The following PPM1H variants were observed in gnomAD, a reference collection of about 807,000 sequenced individuals.
PPM1H encodes the protein protein phosphatase 1H.
PPM1H carries 27 observed loss-of-function variants against 54.9 expected under a neutral mutation model. The observed-to-expected ratio is 0.49, with a 90% confidence interval of 0.36 to 0.68. PPM1H has a LOEUF of 0.68. PPM1H is among the 30% of genes least tolerant of loss of function. The pLI, the probability that PPM1H is intolerant of heterozygous loss-of-function variation, is 0.00. For missense variants in PPM1H, 596 were observed against 667.8 expected (o/e 0.89, Z 1.19); for synonymous variants, 305 against 270.8 (o/e 1.13, Z -1.24).
intron 1 of PPM1H, among the ~76,000 whole-genome samples, chr12:62,842,404 AT>A (rs1340029228): frequency 6.6e-6 from 1 of 152,240 alleles, no homozygotes; most frequent in Non-Finnish European, 1.5e-5. Flanking sequence ...TCAGTTTCAA[AT>A]GTGTAATTTA....
At chr12:62,803,321 G>A (rs567869733) in intron 2 of PPM1H, among the ~76,000 whole-genome samples, 5 of 152,260 alleles carry the variant, frequency 3.3e-5, no homozygotes, top group South Asian at 4.1e-4. Context: ...AATTACACAC[G>A]TGTTAGATCT....
At chr12:62,765,868 GA>G (rs2076539517) in intron 4 of PPM1H, among the ~76,000 whole-genome samples, 2 of 152,202 alleles carry the variant, frequency 1.3e-5, no homozygotes, top group Admixed American at 1.3e-4. Context: ...AGGGAGATAT[GA>G]GTACCTGGTC....
intron 6 of PPM1H, among the ~76,000 whole-genome samples, chr12:62,701,191 A>G (rs1449484552): frequency 6.6e-6 from 1 of 152,244 alleles, no homozygotes; most frequent in African/African-American, 2.4e-5. Context: ...TTTGCAAAAC[A>G]AAAGCAAAGA....
At chr12:62,851,618 A>G (rs1009655616) in intron 1 of PPM1H, among the ~76,000 whole-genome samples, 2 of 151,800 alleles carry the variant, frequency 1.3e-5, no homozygotes, top group African/African-American at 2.4e-5. Flanking sequence ...CAGGAGAATC[A>G]CTTGAACCCG....
In PPM1H at chr12:62,844,995, G is replaced by A. The variant is rs1336656889; in HGVS notation, c.246-12716C>T. 6.6e-6 allele frequency among the ~76,000 whole-genome samples: 1 copy of A among 152,228 alleles called. No individual in the cohort carries two copies. Among genetic ancestry groups the A allele is most frequent in the Non-Finnish European group, 1.5e-5 (1 of 68,044 alleles). ...TCCAGCAAAGAAGTAGCTGATAGAT[G>A]TCAGAGCCTAGGGTACCTCTTCATC... is the stretch of plus-strand genomic sequence containing the variant. On this transcript the variant is annotated intron_variant, in intron 1 of 9. Transcript: ENST00000228705. This position sits in a 1 kb window ranked among gnomAD's most constrained non-coding sequence, Gnocchi z 5.2.
chr12:62,730,460 A>G (rs2076315162), intron 5 of PPM1H, among the ~76,000 whole-genome samples: 1 of 152,242 alleles, frequency 6.6e-6, no homozygotes, highest in African/African-American at 2.4e-5. Flanking sequence ...TGTGGAAAAT[A>G]AGAATACTCA....
At chr12:62,655,854 A>AT (rs2075841567) in intron 9 of PPM1H, among the ~76,000 whole-genome samples, 1 of 152,158 alleles carries the variant, frequency 6.6e-6, no homozygotes, top group Admixed American at 6.5e-5. Context: ...CATGTTTTGA[A>AT]TTTTGAGAAC....
In PPM1H at chr12:62,763,337, C is replaced by T. The variant is rs564101877; in HGVS notation, c.869+24889G>A. On this transcript the variant is annotated intron_variant, in intron 4 of 9. Transcript: ENST00000228705. Reference sequence around the variant, plus strand: ...CCCTCTATAAACCATGGCCATCAACCGCACACCATGCTATGAAGATCATCA... The same window carrying T: ...CCCTCTATAAACCATGGCCATCAACTGCACACCATGCTATGAAGATCATCA... 9.8e-5 allele frequency among the ~76,000 whole-genome samples: 15 copies of T among 152,300 alleles called. 1 individual carries two copies. Among genetic ancestry groups the T allele is most frequent in the Middle Eastern group, 3.4e-3 (1 of 294 alleles).
intron 6 of PPM1H, among the ~76,000 whole-genome samples, chr12:62,718,664 C>T (rs1296399436): frequency 6.6e-6 from 1 of 152,166 alleles, no homozygotes; most frequent in Non-Finnish European, 1.5e-5. Context: ...TCCTAACGTT[C>T]CATCTTTCCA....
intron 2 of PPM1H, among the ~76,000 whole-genome samples, chr12:62,808,567 T>C (rs2076818867): frequency 2.0e-5 from 3 of 152,036 alleles, no homozygotes; most frequent in Non-Finnish European, 4.4e-5. Context: ...CCGTCTCTGA[T>C]TGAATCTCTG....
chr12:62,923,087 C>A (rs1332448043), intron 1 of PPM1H, among the ~76,000 whole-genome samples: 1 of 150,870 alleles, frequency 6.6e-6, no homozygotes, highest in Admixed American at 6.6e-5. Context: ...GAGGTGGCCC[C>A]TTCCATGCAC....
chr12:62,673,699 C>T (rs2075969252), intron 8 of PPM1H, among the ~76,000 whole-genome samples: 2 of 98,508 alleles, frequency 2.0e-5, no homozygotes, highest in Admixed American at 2.5e-4. Context: ...AGCTTTGTGA[C>T]TTGAGAAGAG....
intron 1 of PPM1H, among the ~76,000 whole-genome samples, chr12:62,905,581 G>A (rs1469509887): frequency 6.6e-6 from 1 of 152,178 alleles, no homozygotes. Context: ...AGAGTGCTAG[G>A]TGTTTTGTTT....
chr12:62,737,568 A>C lies in PPM1H; in HGVS notation c.888T>G (p.Asn296Lys), dbSNP rs368227940. 6.3e-7 allele frequency: 1 copy of C among 1,579,270 alleles called. No individual in the cohort carries two copies. Among genetic ancestry groups the C allele is most frequent in the Non-Finnish European group, 8.6e-7 (1 of 1,161,008 alleles). ...CTGAAGACATGGGGATAATTTCTCC[A>C]TTTCTGATGATTATGGCCCTGAAAT... ...AGDSRAIIIRNGEIIPMSSEF... is the reference protein window; with the variant it reads ...AGDSRAIIIRKGEIIPMSSEF... Residue 296 changes from asparagine (N) to lysine (K), a missense_variant, in exon 5 of 10, where the codon AAT (asparagine) becomes AAG (lysine). Asn to Lys is a moderately conservative substitution (Grantham distance 94, BLOSUM62 0). Coordinates refer to ENST00000228705, the MANE Select transcript of PPM1H (RefSeq NM_020700.2).
chr12:62,857,710 C>T (rs1869440670), intron 1 of PPM1H, among the ~76,000 whole-genome samples: 1 of 152,146 alleles, frequency 6.6e-6, no homozygotes, highest in Non-Finnish European at 1.5e-5. Flanking sequence ...TATCACATTG[C>T]TGTCACTGAA....
chr12:62,855,087 A>T (rs1162810307), intron 1 of PPM1H, among the ~76,000 whole-genome samples: 1 of 151,850 alleles, frequency 6.6e-6, no homozygotes, highest in Non-Finnish European at 1.5e-5. Flanking sequence ...AAATTTCCCC[A>T]TGTGATAAAG....
chr12:62,800,628 T>C (rs1191320281), intron 3 of PPM1H, among the ~76,000 whole-genome samples: 1 of 152,160 alleles, frequency 6.6e-6, no homozygotes, highest in Non-Finnish European at 1.5e-5. Context: ...TGAACCACCG[T>C]GCCCGGCCTG....
At chr12:62,843,896 A>G (rs769607051) in intron 1 of PPM1H, among the ~76,000 whole-genome samples, 2 of 152,140 alleles carry the variant, frequency 1.3e-5, no homozygotes, top group South Asian at 4.1e-4. Flanking sequence ...AAATATTTTT[A>G]CCTTTGTCCC....
chr12:62,927,597 G>A (rs1872010851), intron 1 of PPM1H, among the ~76,000 whole-genome samples: 3 of 151,296 alleles, frequency 2.0e-5, no homozygotes, highest in Admixed American at 6.6e-5. Flanking sequence ...AGGAGGCAGA[G>A]GTTGCAGTAA....
Sources: allele counts gnomAD v4.1 joint callset (sites outside exome capture counted in the v4.1 genomes callset), GRCh38; gene constraint gnomAD v4.1.1; non-coding constraint Gnocchi (gnomAD v3.1); transcripts MANE v1.5; gene names NCBI Gene and HGNC (gene_info 2026-07-23, HGNC 2026-07-21).